The following CDO1 variants were observed in gnomAD, a reference collection of about 807,000 sequenced individuals.
CDO1 encodes the protein cysteine dioxygenase type 1.
In CDO1, 19 loss-of-function variants were observed where a neutral mutation model predicts 24.5. That is an observed-to-expected ratio of 0.77 (90% CI 0.54 to 1.14). The LOEUF is 1.14. Among genes scored for constraint, CDO1 ranks in the 50% most tolerant of loss-of-function variants. CDO1 has a pLI of 0.00. For synonymous variants in CDO1, 91 were observed against 87.0 expected (o/e 1.05, Z -0.26); for missense variants, 244 against 244.8 (o/e 1.00, Z 0.02).
At chr5:115,810,696 GTA>G (rs1417979958) in intron 3 of CDO1, among the ~76,000 whole-genome samples, 2 of 152,178 alleles carry the variant, frequency 1.3e-5, no homozygotes, top group Non-Finnish European at 2.9e-5. Flanking sequence ...GGTAAGATAT[GTA>G]TAAATCACTG....
At chr5:115,815,347 G>C (rs1760383003) in intron 1 of CDO1, among the ~76,000 whole-genome samples, 1 of 152,064 alleles carries the variant, frequency 6.6e-6, no homozygotes, top group Admixed American at 6.5e-5. Flanking sequence ...TAATCACCAA[G>C]CCGGGGCTGC....
intron 1 of CDO1, chr5:115,814,064 G>A (rs1760318164): frequency 6.6e-6 from 1 of 152,122 alleles, no homozygotes; most frequent in South Asian, 2.1e-4. Flanking sequence ...AGACTGTCAT[G>A]TTAAAGAAAA....
In CDO1 at chr5:115,805,312, A is replaced by G. The variant is rs140299210; in HGVS notation, c.*121T>C. On this transcript the variant is annotated 3_prime_UTR_variant, in exon 5 of 5. Transcript: ENST00000250535. ...GCCTTATAATTAGCATCTGCCTTAC[A>G]GTAGATCTAAGTATTGGCTTATTTA... The G allele has an allele frequency of 1.5e-3, 1,205 of 799,652 alleles. 1 individual carries two copies. Among genetic ancestry groups the G allele is most frequent in the Non-Finnish European group, 2.2e-3 (1,059 of 483,900 alleles). The allele number at this position is 799,652 out of a possible 1,614,324, so 49.5% of individuals were successfully genotyped here.
rs1760270793 is a variant in CDO1, at chr5:115,813,196, C to A, written c.233G>T (p.Gly78Val). The A allele has an allele frequency of 3.8e-6, 6 of 1,593,878 alleles. No individual in the cohort carries two copies. The highest frequency in any genetic ancestry group is 5.2e-6 in the Non-Finnish European group (6 of 1,162,158). ...GTTATTTTACCTGCCATGTCCTTCA[C>A]CCCAACAGAGAATCATCAGATTAAA... ...GKFNLMILCW[G>V]EGHGSSIHDH... Residue 78 changes from glycine to valine, a missense_variant, in exon 2 of 5, where the codon GGT becomes GTT. Coordinates refer to ENST00000250535, the MANE Select transcript of CDO1 (RefSeq NM_001801.3).
intron 1 of CDO1, among the ~76,000 whole-genome samples, chr5:115,815,045 G>T (rs1760369136): frequency 6.6e-6 from 1 of 152,134 alleles, no homozygotes; most frequent in East Asian, 1.9e-4. Context: ...GATCCTTAGT[G>T]GTCTTCACTT....
intron 1 of CDO1, 36 bp downstream of exon 1, chr5:115,816,192 G>T (rs1760434099): frequency 1.3e-6 from 2 of 1,597,210 alleles, no homozygotes; most frequent in Non-Finnish European, 1.7e-6. Context: ...CGGGGCGAGT[G>T]GGCGCCGCCT....
chr5:115,806,393 C>G lies in CDO1; in HGVS notation c.529G>C (p.Val177Leu). The change falls in exon 4 of 5, where the codon GTC becomes CTC. Residue 177 changes from valine to leucine, a missense_variant. Physicochemically the swap from Val to Leu is conservative, Grantham distance 32. Coordinates refer to ENST00000250535, the MANE Select transcript of CDO1 (RefSeq NM_001801.3). ...AATTTACTATGGAATGTCATTGTGACTTTGTTTTTATGTCCTGTTCTTTGA... is the reference window on the plus strand; with the variant it reads ...AATTTACTATGGAATGTCATTGTGAGTTTGTTTTTATGTCCTGTTCTTTGA... ...FDQRTGHKNK[V>L]TMTFHSKFGI... 6.2e-7 allele frequency: 1 copy of G among 1,608,280 alleles called. No individual in the cohort carries two copies. The highest frequency in any genetic ancestry group is 1.7e-4 in the Middle Eastern group (1 of 6,054).
intron 2 of CDO1, 101 bp downstream of exon 2, chr5:115,813,080 T>G: frequency 1.9e-6 from 1 of 517,548 alleles, no homozygotes; most frequent in Non-Finnish European, 3.4e-6. Flanking sequence ...AAAAATGAGA[T>G]TTGTTACTAC....
At chr5:115,815,504 C>T (rs1014831318) in intron 1 of CDO1, among the ~76,000 whole-genome samples, 4 of 152,152 alleles carry the variant, frequency 2.6e-5, no homozygotes, top group Middle Eastern at 3.4e-3. Context: ...ATTTAATCTG[C>T]GAAACTTGGC....
intron 3 of CDO1, among the ~76,000 whole-genome samples, chr5:115,807,276 T>C (rs1256222123): frequency 4.6e-5 from 7 of 152,324 alleles, no homozygotes; most frequent in African/African-American, 1.7e-4. Context: ...GCTTTAAAGA[T>C]ATTGTCGCTG....
chr5:115,806,304 G>C, intron 4 of CDO1, 45 bp downstream of exon 4: 2 of 1,419,668 alleles, frequency 1.4e-6, no homozygotes, highest in Non-Finnish European at 1.9e-6. Context: ...CAGTGTAACA[G>C]TGCCAACCTA....
chr5:115,816,056 A>G (rs1177734421), intron 1 of CDO1, among the ~76,000 whole-genome samples, 172 bp downstream of exon 1: 2 of 152,144 alleles, frequency 1.3e-5, no homozygotes, highest in African/African-American at 4.8e-5. Context: ...GTGGCCGCGG[A>G]GCCCCAAGCG....
chr5:115,811,485 T>C (rs1333220850), intron 2 of CDO1, among the ~76,000 whole-genome samples, 170 bp from the exon 3 acceptor site: 1 of 152,196 alleles, frequency 6.6e-6, no homozygotes, highest in Non-Finnish European at 1.5e-5. Flanking sequence ...TTCAACAATG[T>C]TCAGGGTAAA....
chr5:115,809,053 A>G (rs565465655), intron 3 of CDO1, among the ~76,000 whole-genome samples: 1 of 152,250 alleles, frequency 6.6e-6, no homozygotes, highest in African/African-American at 2.4e-5. Context: ...CAGATCTGCA[A>G]ATTCTTTGAT....
chr5:115,816,158 C>G (rs1580549717), intron 1 of CDO1, 70 bp downstream of exon 1: 1 of 1,465,374 alleles, frequency 6.8e-7, no homozygotes, highest in South Asian at 1.2e-5. Context: ...TGGGCTGCGT[C>G]CCCCACGTCC....
rs1561439520 is a variant in CDO1 at position 115,813,219 on chromosome 5, A to C, written c.210T>G (p.Phe70Leu). The change falls in exon 2 of 5, where the codon TTT (phenylalanine) becomes TTG (leucine). Residue 70 changes from phenylalanine (F) to leucine (L), a missense_variant. Physicochemically the swap from Phe to Leu is conservative, Grantham distance 22. Transcript: ENST00000250535. ...CACCCCAACAGAGAATCATCAGATT[A>C]AATTTTCCATTTCCTTGATCCACAA... ...RNLVDQGNGK[F>L]NLMILCWGEG... The C allele has an allele frequency of 6.2e-7, 1 of 1,602,804 alleles. No homozygotes were observed. The highest frequency in any genetic ancestry group is 8.5e-7 in the Non-Finnish European group (1 of 1,169,874).
In CDO1 at chr5:115,816,441, G is replaced by C; in HGVS notation, c.-44C>G. The C allele has an allele frequency of 1.2e-6, 2 of 1,602,702 alleles. No individual in the cohort carries two copies. The highest frequency in any genetic ancestry group is 1.7e-4 in the Middle Eastern group (1 of 5,894). ...CGCGCGCGTCTCACTGCTGGGCTGC[G>C]GTGGAGGAGCTGAGCGAGCCAAGGA... On this transcript the variant is annotated 5_prime_UTR_variant, in exon 1 of 5. Coordinates refer to ENST00000250535, the MANE Select transcript of CDO1 (RefSeq NM_001801.3).
chr5:115,806,321 A>G lies in CDO1; in HGVS notation c.573+28T>C, dbSNP rs1052124630. 3.8e-6 allele frequency: 6 copies of G among 1,560,668 alleles called. No homozygotes were observed. The African/African-American group carries it at 6.9e-5, about 18-fold the overall frequency. On this transcript the variant is annotated intron_variant, in intron 4 of 4. Coordinates refer to ENST00000250535, the MANE Select transcript of CDO1 (RefSeq NM_001801.3). Reference sequence around the variant, plus strand: ...GTGTAACAGTGCCAACCTACAGAGCATTTAAACCTAGAAGAAATTATACTC... The same window carrying G: ...GTGTAACAGTGCCAACCTACAGAGCGTTTAAACCTAGAAGAAATTATACTC...
intron 3 of CDO1, among the ~76,000 whole-genome samples, chr5:115,808,652 C>T (rs371681098): frequency 2.6e-5 from 4 of 152,098 alleles, no homozygotes; most frequent in South Asian, 2.1e-4. Context: ...TAGAGATCAA[C>T]GAATCTGTGC....
Sources: gnomAD v4.1 joint callset for allele counts (sites outside exome capture counted in the v4.1 genomes callset) on GRCh38, gnomAD v4.1.1 for gene constraint, MANE v1.5 for transcripts, NCBI Gene and HGNC (gene_info 2026-07-23, HGNC 2026-07-21) for gene names.